ERC2: variants seen among roughly 807,000 people sequenced by gnomAD.
ERC2 encodes ERC protein 2.
A neutral mutation model predicts 114.8 loss-of-function variants in ERC2; 42 were observed. The ratio of observed to expected loss-of-function variants is 0.37; its 90% CI spans 0.29 to 0.47. ERC2 has a LOEUF of 0.47. Among genes scored for constraint, ERC2 ranks in the 20% least tolerant of loss-of-function variants. The probability of loss-of-function intolerance (pLI) is 0.99; values close to 1 mark genes in which losing one functional copy is unlikely to be tolerated. For missense variants in ERC2, 939 were observed against 1,150.7 expected, an observed-to-expected ratio of 0.82 and a Z score of 2.66; for synonymous variants, 454 against 425.5, an observed-to-expected ratio of 1.07 and a Z score of -0.82.
chr3:55,886,861 A>T (rs2149316495), intron 14 of ERC2, among the ~76,000 whole-genome samples: 1 of 152,364 alleles, frequency 6.6e-6, no homozygotes, highest in South Asian at 2.1e-4. Context: ...TACTTAAAAT[A>T]CTTTTCTTCT....
chr3:56,150,297 G>A (rs1390838894), intron 4 of ERC2, among the ~76,000 whole-genome samples: 2 of 152,196 alleles, frequency 1.3e-5, no homozygotes, highest in Admixed American at 6.5e-5. Context: ...TCCTGATTTT[G>A]TGGCTATTGT....
At chr3:56,209,556 G>A (rs1390931271) in intron 3 of ERC2, among the ~76,000 whole-genome samples, 1 of 152,156 alleles carries the variant, frequency 6.6e-6, no homozygotes, top group Admixed American at 6.5e-5. Context: ...CACATAGCCA[G>A]TGCTAAGGAA....
chr3:55,710,285 C>T (rs1269441488), intron 15 of ERC2, among the ~76,000 whole-genome samples: 2 of 152,132 alleles, frequency 1.3e-5, no homozygotes, highest in Non-Finnish European at 2.9e-5. Flanking sequence ...CTCATCCAAG[C>T]TGATATTCTC....
intron 17 of ERC2, among the ~76,000 whole-genome samples, chr3:55,606,318 T>C (rs1465258806): frequency 6.6e-6 from 1 of 152,190 alleles, no homozygotes; most frequent in Non-Finnish European, 1.5e-5. Flanking sequence ...ATTCAGTAGT[T>C]ACTCTGGATC....
intron 17 of ERC2, among the ~76,000 whole-genome samples, chr3:55,535,872 T>C (rs2053967435): frequency 1.3e-5 from 2 of 152,106 alleles, no homozygotes; most frequent in Non-Finnish European, 2.9e-5. Context: ...CGGGTGCCTG[T>C]AATCCCAGCT....
intron 16 of ERC2, among the ~76,000 whole-genome samples, chr3:55,698,921 ACG>A (rs2063078681): frequency 1.3e-5 from 2 of 152,300 alleles, no homozygotes; most frequent in East Asian, 3.9e-4. Context: ...ACTGGCTAAA[ACG>A]CAGGCAAAAC....
At chr3:56,047,601 A>G (rs1402715664) in intron 7 of ERC2, among the ~76,000 whole-genome samples, 3 of 152,222 alleles carry the variant, frequency 2.0e-5, no homozygotes, top group Admixed American at 2.0e-4. Flanking sequence ...AAGGAGGAAA[A>G]TGGGGAATAT....
rs561529637 is a variant in ERC2 at position 55,702,530 on chromosome 3, T to C, written c.2713-3018A>G. Among the ~76,000 whole-genome samples, 4 of 150,444 alleles carry C rather than the reference T, an allele frequency of 2.7e-5. No individual in the cohort carries two copies. The East Asian group carries it at 7.8e-4, about 29-fold the overall frequency. ...CTTTAATTGTCAAATTTAAAATGGA[T>C]CTCTTTTAAATTTTTTTTTTTTAAG... On this transcript the variant is annotated intron_variant, in intron 15 of 17. Coordinates refer to ENST00000288221, the MANE Select transcript of ERC2 (RefSeq NM_015576.3).
At chr3:56,100,937 A>G (rs1394341235) in intron 6 of ERC2, among the ~76,000 whole-genome samples, 1 of 152,168 alleles carries the variant, frequency 6.6e-6, no homozygotes, top group Non-Finnish European at 1.5e-5. Context: ...CTTACCTCTA[A>G]CAGTTGTCCT....
intron 4 of ERC2, among the ~76,000 whole-genome samples, chr3:56,171,922 T>C (rs1336960889): frequency 7.2e-6 from 1 of 139,284 alleles, no homozygotes; most frequent in Non-Finnish European, 1.5e-5. Flanking sequence ...TTGTGCTGAC[T>C]GGGAAGGTGG....
At chr3:56,428,501 G>C (rs2107308371) in intron 2 of ERC2, among the ~76,000 whole-genome samples, 1 of 125,978 alleles carries the variant, frequency 7.9e-6, no homozygotes. Context: ...AGCCTGGGCA[G>C]CAGAGTGAGA....
At chr3:56,126,849 A>AGGAAAGGAAC (rs2079902068) in intron 6 of ERC2, among the ~76,000 whole-genome samples, 1 of 151,358 alleles carries the variant, frequency 6.6e-6, no homozygotes, top group Admixed American at 6.6e-5. Context: ...AGGAAAGGAA[A>AGGAAAGGAAC]GGAAAAGAAA....
chr3:55,720,876 T>C (rs2064506085), intron 15 of ERC2, among the ~76,000 whole-genome samples: 1 of 152,222 alleles, frequency 6.6e-6, no homozygotes. Context: ...CAGCATCTTG[T>C]ACATTTCTTT....
At chr3:55,549,025 A>C (rs960754211) in intron 17 of ERC2, among the ~76,000 whole-genome samples, 21 of 152,240 alleles carry the variant, frequency 1.4e-4, no homozygotes, top group Admixed American at 1.1e-3. Context: ...ATGCAGGTCA[A>C]ACAAAATGCA....
At chr3:55,719,918 C>T (rs1244688580) in intron 15 of ERC2, among the ~76,000 whole-genome samples, 16 of 151,816 alleles carry the variant, frequency 1.1e-4, no homozygotes, top group Admixed American at 1.0e-3. Flanking sequence ...AATTCTGGAA[C>T]CCATCCTGAA....
intron 2 of ERC2, among the ~76,000 whole-genome samples, chr3:56,432,450 C>T (rs2061833960): frequency 6.6e-6 from 1 of 152,134 alleles, no homozygotes; most frequent in South Asian, 2.1e-4. Flanking sequence ...ACTTCATGAA[C>T]CAGCAAAATC....
intron 17 of ERC2, among the ~76,000 whole-genome samples, chr3:55,674,125 C>T (rs912521979): frequency 1.3e-5 from 2 of 152,162 alleles, no homozygotes; most frequent in African/African-American, 4.8e-5. Flanking sequence ...CTGCCCGATG[C>T]AGAGCATATC....
intron 7 of ERC2, among the ~76,000 whole-genome samples, chr3:56,068,703 A>G (rs1365733001): frequency 4.6e-5 from 7 of 152,100 alleles, no homozygotes. Flanking sequence ...TTTCCCTCTT[A>G]ACACTGCTTT....
chr3:55,708,694 C>T (rs896420732), intron 15 of ERC2, among the ~76,000 whole-genome samples: 1 of 151,872 alleles, frequency 6.6e-6, no homozygotes, highest in African/African-American at 2.4e-5. Flanking sequence ...AGAAAGTGAA[C>T]TCCAAATAAA....
Sources: allele counts gnomAD v4.1 joint callset (sites outside exome capture counted in the v4.1 genomes callset), GRCh38; gene constraint gnomAD v4.1.1; transcripts MANE v1.5; gene names NCBI Gene and HGNC (gene_info 2026-07-23, HGNC 2026-07-21).